The following DPP6 variants were observed in gnomAD, a reference collection of about 807,000 sequenced individuals.
DPP6 encodes the protein dipeptidyl peptidase like 6, also known as A-type potassium channel modulatory protein DPP6.
DPP6 carries 69 observed loss-of-function variants against 122.6 expected under a neutral mutation model. The observed-to-expected ratio is 0.56, with a 90% CI of 0.46 to 0.69. The LOEUF is 0.69. Among genes scored for constraint, DPP6 ranks in the 30% least tolerant of loss-of-function variants. DPP6 has a pLI of 0.00. For synonymous variants in DPP6, 418 were observed against 433.1 expected (o/e 0.97, Z 0.43); for missense variants, 928 against 1,116.9 (o/e 0.83, Z 2.41).
At chr7:154,700,670 C>G (rs1840466825) in intron 7 of DPP6, among the ~76,000 whole-genome samples, 1 of 152,182 alleles carries the variant, frequency 6.6e-6, no homozygotes, top group South Asian at 2.1e-4. Context: ...AACTGTTGAC[C>G]TAGCGAAGAA....
At chr7:154,800,231 C>A (rs1798280235) in intron 12 of DPP6, among the ~76,000 whole-genome samples, 2 of 152,160 alleles carry the variant, frequency 1.3e-5, no homozygotes, top group Admixed American at 1.3e-4. Flanking sequence ...CATTTTATTG[C>A]AAATATTCAT....
chr7:154,472,941 T>TTTTAA lies in DPP6; in HGVS notation c.359-1998_359-1997insTTTAA, dbSNP rs1822414867. ...CAGTTTTTAAAATAAAATACATGTA[T>TTTTAA]AGAAAGAAAGATTTTCAGAAAGTGA... On this transcript the variant is annotated intron_variant, in intron 2 of 25. Transcript: ENST00000377770. Among the ~76,000 whole-genome samples, 5 of 152,204 alleles carry TTTTAA rather than the reference T, an allele frequency of 3.3e-5. No individual in the cohort carries two copies. The South Asian group carries it at 1.0e-3, about 31-fold the overall frequency.
rs201171547 is a variant in DPP6, at chr7:154,723,463, AT to A, written c.763-4299del. Among the ~76,000 whole-genome samples, 81 of 91,750 alleles carry A rather than the reference AT, an allele frequency of 8.8e-4. 1 individual carries two copies. The highest frequency in any genetic ancestry group is 1.2e-3 in the Non-Finnish European group (44 of 36,840). 60.2% of individuals were successfully genotyped at this position (91,750 alleles called of 152,430 possible). The stretch of plus-strand genomic sequence containing the variant: ...TCCATTGTAGGCTTACAACACATTT[AT>A]TTTTAAAAAAAAAAAAAGCTAAAAC... On this transcript the variant is annotated intron_variant, in intron 7 of 25. Coordinates refer to ENST00000377770, the MANE Select transcript of DPP6 (RefSeq NM_130797.4).
rs1262922808 is a variant in DPP6 at position 154,853,727 on chromosome 7, A to AAAC, written c.1667-52_1667-50dup. ...AAAGCCTGTTTTCTTGTTCTCGGCT[A>AAAC]AACTAATGGCTTCGTTTTTGTTTTC... On this transcript the variant is annotated intron_variant, in intron 16 of 25. Transcript: ENST00000377770. 3.8e-6 allele frequency: 6 copies of AAAC among 1,594,294 alleles called. No homozygotes were observed. The East Asian group carries it at 1.4e-4, about 36-fold the overall frequency.
chr7:153,901,912 G>A (rs1229962157), intron 1 of DPP6, among the ~76,000 whole-genome samples: 3 of 152,186 alleles, frequency 2.0e-5, no homozygotes, highest in Non-Finnish European at 4.4e-5. Flanking sequence ...AATGAGGGGA[G>A]GCGTGTTGAA....
chr7:154,555,870 GA>G (rs1418488966), intron 4 of DPP6, among the ~76,000 whole-genome samples: 1 of 151,738 alleles, frequency 6.6e-6, no homozygotes, highest in East Asian at 1.9e-4. Flanking sequence ...TTAGAAATTT[GA>G]AAACATTAAA....
Position 154,246,755 on chromosome 7 carries a change from A to G in DPP6, c.243+193692A>G, listed in dbSNP as rs148845196. Reference sequence around the variant, plus strand: ...ACACATATACAACCATTGATTTTTGATAAAGTAGGAAGGCCTAGATGAAAT... The same window carrying G: ...ACACATATACAACCATTGATTTTTGGTAAAGTAGGAAGGCCTAGATGAAAT... On this transcript the variant is annotated intron_variant, in intron 1 of 25. Transcript: ENST00000377770. 7.9e-5 allele frequency among the ~76,000 whole-genome samples: 12 copies of G among 152,334 alleles called. No individual in the cohort carries two copies. The East Asian group carries it at 2.3e-3, about 29-fold the overall frequency.
At chr7:154,338,840 G>A (rs1809659431) in intron 1 of DPP6, among the ~76,000 whole-genome samples, 1 of 152,172 alleles carries the variant, frequency 6.6e-6, no homozygotes, top group Admixed American at 6.5e-5. Context: ...TTCTGAACAT[G>A]ACCTGAAAGA....
intron 20 of DPP6, among the ~76,000 whole-genome samples, chr7:154,878,257 G>T (rs865813173): frequency 1.3e-5 from 2 of 152,202 alleles, no homozygotes; most frequent in African/African-American, 4.8e-5. Context: ...GAATTAGAGG[G>T]CAAAGGTGTT....
At chr7:154,265,880 C>G (rs1411352416) in intron 1 of DPP6, among the ~76,000 whole-genome samples, 1 of 152,018 alleles carries the variant, frequency 6.6e-6, no homozygotes, top group Non-Finnish European at 1.5e-5. Flanking sequence ...TTTTAACTAG[C>G]AAAAGATCAG....
chr7:154,297,134 T>TA lies in DPP6; in HGVS notation c.244-149080_244-149079insA, dbSNP rs2150973387. Among the ~76,000 whole-genome samples the TA allele has an allele frequency of 1.3e-5, 2 of 152,202 alleles. 1 individual carries two copies. Among genetic ancestry groups the TA allele is most frequent in the Admixed American group, 1.3e-4 (2 of 15,288 alleles). On this transcript the variant is annotated intron_variant, in intron 1 of 25. Transcript: ENST00000377770. ...GCCTACTTTAATATCAGAAGATTTT[T>TA]TTTTTATTGAATTGTGGTACTGAGT...
At chr7:154,003,749 C>T (rs1404487083) in intron 1 of DPP6, among the ~76,000 whole-genome samples, 2 of 152,020 alleles carry the variant, frequency 1.3e-5, no homozygotes, top group Non-Finnish European at 2.9e-5. Context: ...CTTTTCTGAG[C>T]AGGGCTGCTC....
intron 1 of DPP6, among the ~76,000 whole-genome samples, chr7:153,931,708 G>C (rs1333738047): frequency 1.3e-5 from 2 of 152,174 alleles, no homozygotes; most frequent in Admixed American, 1.3e-4. Context: ...CTTTTCCTCA[G>C]ACAACAATTG....
chr7:153,934,319 G>T (rs1230603984), intron 1 of DPP6, among the ~76,000 whole-genome samples: 1 of 152,098 alleles, frequency 6.6e-6, no homozygotes, highest in African/African-American at 2.4e-5. Flanking sequence ...ACTCTGCAGG[G>T]GTGTGAAAGC....
At chr7:154,300,856 C>T (rs930256353) in intron 1 of DPP6, among the ~76,000 whole-genome samples, 4 of 152,198 alleles carry the variant, frequency 2.6e-5, no homozygotes, top group African/African-American at 9.7e-5. Flanking sequence ...GAAGTCTTAA[C>T]ACCCAGTGCT....
intron 1 of DPP6, among the ~76,000 whole-genome samples, chr7:154,120,121 T>C (rs1242522595): frequency 2.0e-5 from 3 of 152,256 alleles, no homozygotes; most frequent in African/African-American, 7.2e-5. Context: ...ACATTACCTG[T>C]GGTCTCCAGG....
intron 10 of DPP6, among the ~76,000 whole-genome samples, chr7:154,782,071 C>G (rs1797061393): frequency 6.6e-6 from 1 of 152,156 alleles, no homozygotes; most frequent in Non-Finnish European, 1.5e-5. Flanking sequence ...CATGTGCTCC[C>G]CCACGTAATC....
chr7:153,904,693 C>G (rs1278844122), intron 1 of DPP6, among the ~76,000 whole-genome samples: 1 of 152,200 alleles, frequency 6.6e-6, no homozygotes, highest in Non-Finnish European at 1.5e-5. Context: ...CCTCGCCTTC[C>G]TTCTTGGGGC....
chr7:154,321,984 G>A (rs927838935), intron 1 of DPP6, among the ~76,000 whole-genome samples: 24 of 151,930 alleles, frequency 1.6e-4, no homozygotes, highest in Non-Finnish European at 2.8e-4. Flanking sequence ...CCTCCTGTGG[G>A]CACTCTATTG....
Sources: gnomAD v4.1 joint callset for allele counts (sites outside exome capture counted in the v4.1 genomes callset) on GRCh38, gnomAD v4.1.1 for gene constraint, MANE v1.5 for transcripts, NCBI Gene and HGNC (gene_info 2026-07-23, HGNC 2026-07-21) for gene names.